RBFOX1: variants seen among roughly 807,000 people sequenced by gnomAD.
RBFOX1 encodes RNA binding protein fox-1 homolog 1.
In RBFOX1, 8 loss-of-function variants were observed where a neutral mutation model predicts 57.7. The ratio of observed to expected loss-of-function variants is 0.14; its 90% CI spans 0.08 to 0.25. RBFOX1 has a LOEUF of 0.25. Among genes scored for constraint, RBFOX1 ranks in the 10% least tolerant of loss-of-function variants. The pLI, the probability that RBFOX1 is intolerant of heterozygous loss-of-function variation, is 1.00. For synonymous variants in RBFOX1, 326 were observed against 222.4 expected, an observed-to-expected ratio of 1.47 and a Z score of -4.15; for missense variants, 611 against 548.5, an observed-to-expected ratio of 1.11 and a Z score of -1.14.
At chr16:7,057,247 C>G (rs992397080) in intron 4 of RBFOX1, among the ~76,000 whole-genome samples, 44 of 152,148 alleles carry the variant, frequency 2.9e-4, no homozygotes, top group African/African-American at 1.0e-3. Context: ...GGAGATAACT[C>G]CCTCTCAGTT....
At chr16:7,652,783 A>G (rs565625814) in intron 11 of RBFOX1, among the ~76,000 whole-genome samples, 1 of 152,298 alleles carries the variant, frequency 6.6e-6, no homozygotes, top group East Asian at 1.9e-4. Flanking sequence ...TTGCCTTTAA[A>G]TGCTGCACAG....
intron 4 of RBFOX1, among the ~76,000 whole-genome samples, chr16:5,948,513 A>G (rs192654229): frequency 5.3e-5 from 8 of 152,338 alleles, no homozygotes; most frequent in Admixed American, 4.6e-4. Flanking sequence ...AGATGAGGTC[A>G]TGCTGGATTT....
intron 2 of RBFOX1, among the ~76,000 whole-genome samples, chr16:6,345,343 C>T (rs2085214090): frequency 6.6e-6 from 1 of 152,142 alleles, no homozygotes; most frequent in Non-Finnish European, 1.5e-5. Context: ...AGTTCTGCAG[C>T]AATATTTATG....
chr16:7,702,043 C>G (rs1444234479), intron 14 of RBFOX1, among the ~76,000 whole-genome samples: 3 of 152,278 alleles, frequency 2.0e-5, no homozygotes, highest in South Asian at 2.1e-4. Flanking sequence ...ACTGAGATAA[C>G]TTGTCCTTTC....
intron 3 of RBFOX1, among the ~76,000 whole-genome samples, chr16:7,002,140 T>C (rs1404808876): frequency 6.6e-6 from 1 of 151,656 alleles, no homozygotes; most frequent in African/African-American, 2.4e-5. Context: ...GTTAGGTGAG[T>C]CTAGGGTTAT....
rs180738323 is a variant in RBFOX1, at chr16:7,089,695, C to G, written c.27+37597C>G. Among the ~76,000 whole-genome samples the G allele has an allele frequency of 3.9e-5, 6 of 152,262 alleles. 1 individual carries two copies. In the South Asian group the frequency reaches 1.0e-3, roughly 26 times the overall value. ...AAAAATGATGCGTGTCCCAGACCCC[C>G]TTCCACATCCGAAAAACTTGCTGAT... On this transcript the variant is annotated intron_variant, in intron 4 of 15. Coordinates refer to ENST00000550418, the MANE Select transcript of RBFOX1 (RefSeq NM_018723.4).
chr16:7,644,211 A>G lies in RBFOX1; in HGVS notation c.758-9604A>G, dbSNP rs150603389. 9.9e-4 allele frequency among the ~76,000 whole-genome samples: 150 copies of G among 152,196 alleles called. 1 individual carries two copies. Among genetic ancestry groups the G allele is most frequent in the African/African-American group, 3.2e-3 (133 of 41,530 alleles). On this transcript the variant is annotated intron_variant, in intron 11 of 15. Coordinates refer to ENST00000550418, the MANE Select transcript of RBFOX1 (RefSeq NM_018723.4). ...GCTGGGTGAGTATCTGAGCCACTCT[A>G]TACCTCCATCTCCACCCCAGGAAAG...
chr16:6,726,798 G>A (rs1476323182), intron 3 of RBFOX1, among the ~76,000 whole-genome samples: 1 of 151,798 alleles, frequency 6.6e-6, no homozygotes, highest in Non-Finnish European at 1.5e-5. Flanking sequence ...TCCCTACCAG[G>A]GTACCTAATA....
chr16:6,612,342 G>C (rs911586618), intron 2 of RBFOX1, among the ~76,000 whole-genome samples: 1 of 152,078 alleles, frequency 6.6e-6, no homozygotes, highest in African/African-American at 2.4e-5. Flanking sequence ...GCAGGCATAC[G>C]TTTTTAATAA....
At chr16:5,566,017 A>G (rs1389330060) in intron 2 of RBFOX1, among the ~76,000 whole-genome samples, 1 of 151,782 alleles carries the variant, frequency 6.6e-6, no homozygotes, top group Non-Finnish European at 1.5e-5. Context: ...ATAAGAGGAA[A>G]CCCCTTTCTC....
chr16:6,613,826 T>C (rs1474021285), intron 2 of RBFOX1, among the ~76,000 whole-genome samples: 2 of 152,170 alleles, frequency 1.3e-5, no homozygotes, highest in African/African-American at 4.8e-5. Flanking sequence ...TAATCCCAGC[T>C]ACCTGGGAGG....
chr16:6,410,007 A>G (rs1244904700), intron 2 of RBFOX1, among the ~76,000 whole-genome samples: 2 of 152,064 alleles, frequency 1.3e-5, no homozygotes, highest in African/African-American at 2.4e-5. Flanking sequence ...TGCCTGTTCA[A>G]TTTGTCCTCT....
At chr16:6,133,468 C>G (rs186135177) in intron 1 of RBFOX1, among the ~76,000 whole-genome samples, 2 of 152,178 alleles carry the variant, frequency 1.3e-5, no homozygotes, top group Non-Finnish European at 2.9e-5. Context: ...TGGCACCATG[C>G]CCAGTGCACC....
At chr16:7,259,650 G>C (rs1459672551) in intron 4 of RBFOX1, among the ~76,000 whole-genome samples, 10 of 152,056 alleles carry the variant, frequency 6.6e-5, no homozygotes, top group Admixed American at 3.3e-4. Context: ...CAAGCCTATA[G>C]CTTTTGAAAT....
intron 14 of RBFOX1, among the ~76,000 whole-genome samples, chr16:7,701,293 C>T (rs916761993): frequency 6.6e-6 from 1 of 151,996 alleles, no homozygotes; most frequent in African/African-American, 2.4e-5. Context: ...GGACACACAG[C>T]AGGTGGTGAG....
intron 2 of RBFOX1, among the ~76,000 whole-genome samples, chr16:6,401,708 G>T (rs1389308472): frequency 6.6e-6 from 1 of 152,070 alleles, no homozygotes; most frequent in Non-Finnish European, 1.5e-5. Context: ...GTTCTTAGAC[G>T]CAGAGAACGA....
At chr16:6,198,780 C>T (rs2097196956) in intron 1 of RBFOX1, among the ~76,000 whole-genome samples, 1 of 151,912 alleles carries the variant, frequency 6.6e-6, no homozygotes, top group South Asian at 2.1e-4. Context: ...TTAATATAGC[C>T]TGGCTTAAGT....
chr16:5,975,561 C>G (rs540690331), intron 4 of RBFOX1, among the ~76,000 whole-genome samples: 1 of 152,302 alleles, frequency 6.6e-6, no homozygotes, highest in African/African-American at 2.4e-5. Context: ...TTCACAGGCA[C>G]TGCTGTTTGT....
chr16:7,428,366 G>C (rs1395221623), intron 4 of RBFOX1, among the ~76,000 whole-genome samples: 3 of 107,038 alleles, frequency 2.8e-5, no homozygotes, highest in Non-Finnish European at 5.4e-5. Flanking sequence ...TTGCTCTGTT[G>C]CTCAGGCTGG....
Sources: allele counts gnomAD v4.1 joint callset (sites outside exome capture counted in the v4.1 genomes callset), GRCh38; gene constraint gnomAD v4.1.1; transcripts MANE v1.5; gene names NCBI Gene and HGNC (gene_info 2026-07-23, HGNC 2026-07-21).